TSC22D1: variants seen among roughly 807,000 people sequenced by gnomAD.
The protein encoded by TSC22D1 is TSC22 domain family protein 1.
In TSC22D1, 9 loss-of-function variants were observed where a neutral mutation model predicts 74.2. That is an observed-to-expected ratio of 0.12 (90% CI 0.07 to 0.21). TSC22D1 has a LOEUF of 0.21. TSC22D1 is among the 10% of genes least tolerant of loss of function. TSC22D1 has a pLI of 1.00. For missense variants in TSC22D1, 1,427 were observed against 1,304.7 expected, an observed-to-expected ratio of 1.09 and a Z score of -1.44; for synonymous variants, 586 against 492.5, an observed-to-expected ratio of 1.19 and a Z score of -2.51.
At chr13:44,529,260 C>G (rs1283506992) in intron 1 of TSC22D1, among the ~76,000 whole-genome samples, 3 of 151,940 alleles carry the variant, frequency 2.0e-5, no homozygotes, top group African/African-American at 7.2e-5. Context: ...ATATACGAGG[C>G]TGGTTTGACA....
At chr13:44,516,098 T>C (rs1879965832) in intron 1 of TSC22D1, among the ~76,000 whole-genome samples, 1 of 152,122 alleles carries the variant, frequency 6.6e-6, no homozygotes, top group Non-Finnish European at 1.5e-5. Flanking sequence ...TAAAAACATA[T>C]CCAATTCCCA....
At chr13:44,452,212 GT>G (rs1235604910) in intron 1 of TSC22D1, among the ~76,000 whole-genome samples, 33 of 152,160 alleles carry the variant, frequency 2.2e-4, no homozygotes, top group African/African-American at 7.2e-4. Flanking sequence ...ACTAAATAAA[GT>G]GAGATGTTGT....
chr13:44,528,979 T>C (rs1012464076), intron 1 of TSC22D1, among the ~76,000 whole-genome samples: 2 of 152,068 alleles, frequency 1.3e-5, no homozygotes, highest in Non-Finnish European at 2.9e-5. Flanking sequence ...ATTGAATCAA[T>C]CATTAATAAC....
At chr13:44,453,344 T>TA (rs1876309665) in intron 1 of TSC22D1, among the ~76,000 whole-genome samples, 1 of 152,204 alleles carries the variant, frequency 6.6e-6, no homozygotes, top group South Asian at 2.1e-4. Flanking sequence ...AGTCAATTTT[T>TA]AAAATGCACA....
chr13:44,519,752 G>A (rs1459708582), intron 1 of TSC22D1, among the ~76,000 whole-genome samples: 1 of 152,084 alleles, frequency 6.6e-6, no homozygotes, highest in Non-Finnish European at 1.5e-5. Context: ...TTATATACAA[G>A]GAGACCAATT....
rs561969291 is a variant in TSC22D1, at chr13:44,441,834, C to T, written c.2913-5739G>A. On this transcript the variant is annotated intron_variant, in intron 1 of 2. Transcript: ENST00000458659. ...AGGTTTATAGGGATCTGCAGCAGTT[C>T]TTCCTGCTTCCAGGCTTCAGCAGAG... Among the ~76,000 whole-genome samples the T allele has an allele frequency of 2.6e-5, 4 of 152,224 alleles. No individual in the cohort carries two copies. In the South Asian group the frequency reaches 8.3e-4, roughly 32 times the overall value.
At chr13:44,493,369 G>T (rs961833573) in intron 1 of TSC22D1, among the ~76,000 whole-genome samples, 5 of 152,164 alleles carry the variant, frequency 3.3e-5, no homozygotes, top group African/African-American at 7.2e-5. Flanking sequence ...CCTGACAAAA[G>T]ACACTTGCCT....
At chr13:44,555,389 A>G (rs932004078) in intron 1 of TSC22D1, among the ~76,000 whole-genome samples, 6 of 152,204 alleles carry the variant, frequency 3.9e-5, no homozygotes, top group Admixed American at 2.0e-4. Flanking sequence ...AGGATGGATC[A>G]CCTGACCTCA....
intron 1 of TSC22D1, among the ~76,000 whole-genome samples, chr13:44,527,612 G>A (rs1250580495): frequency 6.6e-6 from 1 of 151,994 alleles, no homozygotes; most frequent in Non-Finnish European, 1.5e-5. Context: ...AGAGTGGAAG[G>A]CAAAATAAAT....
Position 44,485,299 on chromosome 13 carries a change from T to C in TSC22D1, c.2913-49204A>G, listed in dbSNP as rs184760684. On this transcript the variant is annotated intron_variant, in intron 1 of 2. Transcript: ENST00000458659. ...ACTCAAAGCCATAAGCAATAGGCCCTATAAATAGTGACTCCAGCTATGAAT... is the reference window on the plus strand; with the variant it reads ...ACTCAAAGCCATAAGCAATAGGCCCCATAAATAGTGACTCCAGCTATGAAT... Among the ~76,000 whole-genome samples, 9 of 152,260 alleles carry C rather than the reference T, an allele frequency of 5.9e-5. No individual in the cohort carries two copies. In the East Asian group the frequency reaches 1.5e-3, roughly 26 times the overall value.
In TSC22D1 at chr13:44,490,922, C is replaced by A. The variant is rs1014428471; in HGVS notation, c.2913-54827G>T. ...CGTCTCATTAAAAAAAATGAAACTC[C>A]GTCTCATTAAAAAAAATATATATAC... On this transcript the variant is annotated intron_variant, in intron 1 of 2. Transcript: ENST00000458659. Among the ~76,000 whole-genome samples the A allele has an allele frequency of 2.3e-4, 32 of 140,786 alleles. No homozygotes were observed. The Admixed American group carries it at 2.4e-3, about 11-fold the overall frequency. The allele number at this position is 140,786 out of a possible 152,430, so 92.4% of individuals were successfully genotyped here. A position where few individuals can be genotyped will look rare whatever the true frequency, so the allele number is the denominator to read the frequency against.
intron 1 of TSC22D1, among the ~76,000 whole-genome samples, chr13:44,513,227 T>C (rs1879822576): frequency 6.6e-6 from 1 of 152,244 alleles, no homozygotes; most frequent in African/African-American, 2.4e-5. Flanking sequence ...AGTGAGCTTC[T>C]GCATGAGAGA....
At chr13:44,483,595 G>C (rs113592809) in intron 1 of TSC22D1, among the ~76,000 whole-genome samples, 2 of 151,882 alleles carry the variant, frequency 1.3e-5, no homozygotes, top group Non-Finnish European at 2.9e-5. Flanking sequence ...GTGAACCCGG[G>C]AGGCGGAGCT....
chr13:44,530,663 C>CAA lies in TSC22D1; in HGVS notation c.2912+42498_2912+42499dup, dbSNP rs57089792. ...AAATATATCAAGAACTCTTAAAACT[C>CAA]AAAAAAAAAAAACAAACCTGATTTT... On this transcript the variant is annotated intron_variant, in intron 1 of 2. Coordinates refer to ENST00000458659, the MANE Select transcript of TSC22D1 (RefSeq NM_183422.4). Among the ~76,000 whole-genome samples the CAA allele has an allele frequency of 1.7e-3, 216 of 130,000 alleles. 2 individuals carry two copies. The highest frequency in any genetic ancestry group is 5.3e-3 in the African/African-American group (192 of 36,326). The allele number at this position is 130,000 out of a possible 152,430, so 85.3% of individuals were successfully genotyped here. A position where few individuals can be genotyped will look rare whatever the true frequency, so the allele number is the denominator to read the frequency against.
intron 1 of TSC22D1, among the ~76,000 whole-genome samples, chr13:44,528,577 AAAG>A (rs1486534769): frequency 6.6e-6 from 1 of 152,042 alleles, no homozygotes; most frequent in African/African-American, 2.4e-5. Context: ...AAAGCATATA[AAAG>A]AAGACTGAAA....
intron 1 of TSC22D1, among the ~76,000 whole-genome samples, chr13:44,456,125 G>A (rs1158312133): frequency 1.3e-4 from 20 of 152,308 alleles, no homozygotes; most frequent in Admixed American, 9.2e-4. Flanking sequence ...GAATAAAGCC[G>A]TGGACCCTCG....
At chr13:44,525,876 G>A (rs922343576) in intron 1 of TSC22D1, among the ~76,000 whole-genome samples, 3 of 151,806 alleles carry the variant, frequency 2.0e-5, no homozygotes, top group South Asian at 2.1e-4. Flanking sequence ...TAAGGTGAGC[G>A]GACTGCCTTG....
Position 44,575,855 on chromosome 13 carries a change from TAGA to T in TSC22D1, c.217_219del (p.Ser73del), listed in dbSNP as rs1208358581. 1 of 1,613,760 alleles carries T rather than the reference TAGA, an allele frequency of 6.2e-7. No individual in the cohort carries two copies. Among genetic ancestry groups the T allele is most frequent in the East Asian group, 2.2e-5 (1 of 44,856 alleles). On this transcript the variant is annotated inframe_deletion, in exon 1 of 3. Coordinates refer to ENST00000458659, the MANE Select transcript of TSC22D1 (RefSeq NM_183422.4). ...GGAGGCGGAGGCTGTGGTCCCGACG[TAGA>T]AGATGCTGCAGGGGGCGGCGGCTGA... is the stretch of plus-strand genomic sequence containing the variant.
intron 1 of TSC22D1, among the ~76,000 whole-genome samples, chr13:44,498,082 T>C (rs913800220): frequency 8.2e-6 from 1 of 121,470 alleles, no homozygotes; most frequent in Non-Finnish European, 1.8e-5. Flanking sequence ...GGCAACATGA[T>C]AAAACCAAAA....
Sources: gnomAD v4.1 joint callset for allele counts (sites outside exome capture counted in the v4.1 genomes callset) on GRCh38, gnomAD v4.1.1 for gene constraint, MANE v1.5 for transcripts, NCBI Gene and HGNC (gene_info 2026-07-23, HGNC 2026-07-21) for gene names.